The following INTS4 variants were observed in gnomAD, a reference collection of about 807,000 sequenced individuals.
The protein encoded by INTS4 is MSTP093.
Under a neutral mutation model 119.5 loss-of-function variants are expected in INTS4, and 70 were observed. That is an observed-to-expected ratio of 0.59 (90% CI 0.48 to 0.71). The LOEUF is 0.71. INTS4 is among the 30% of genes least tolerant of loss of function. INTS4 has a pLI of 0.00. For missense variants in INTS4, 867 were observed against 1,173.2 expected (o/e 0.74, Z 3.81); for synonymous variants, 316 against 419.6 (o/e 0.75, Z 3.02).
At chr11:77,921,632 C>T (rs1284502021) in intron 13 of INTS4, among the ~76,000 whole-genome samples, 159 bp from the exon 14 acceptor site, 3 of 152,156 alleles carry the variant, frequency 2.0e-5, no homozygotes, top group Admixed American at 6.5e-5. Flanking sequence ...CCCTACTCCA[C>T]CCACACCCCC....
At chr11:77,893,396 A>G (rs938703801) in intron 19 of INTS4, among the ~76,000 whole-genome samples, 5 of 152,166 alleles carry the variant, frequency 3.3e-5, no homozygotes, top group African/African-American at 1.2e-4. Context: ...TCTTGAAGCC[A>G]GAAGTTTGAG....
At chr11:77,982,098 C>A (rs1375936004) in intron 2 of INTS4, among the ~76,000 whole-genome samples, 2 of 151,684 alleles carry the variant, frequency 1.3e-5, no homozygotes, top group Admixed American at 6.6e-5. Flanking sequence ...TTGCAGCTAC[C>A]ACTGCTATCA....
chr11:77,970,684 C>A (rs992693539), intron 4 of INTS4, among the ~76,000 whole-genome samples: 11 of 151,812 alleles, frequency 7.2e-5, no homozygotes, highest in African/African-American at 2.4e-4. Flanking sequence ...CAAAAGTTAG[C>A]CAGGCATGGT....
chr11:77,916,932 T>C (rs1483568676), intron 15 of INTS4, among the ~76,000 whole-genome samples: 2 of 152,240 alleles, frequency 1.3e-5, no homozygotes, highest in Non-Finnish European at 2.9e-5. Flanking sequence ...AACTGGCTTA[T>C]TAGAATAAAC....
At chr11:77,992,290 C>A (rs373301977) in intron 1 of INTS4, among the ~76,000 whole-genome samples, 1 of 151,716 alleles carries the variant, frequency 6.6e-6, no homozygotes, top group South Asian at 2.1e-4. Context: ...CCCAGCTATG[C>A]AGGAGGCTGA....
At chr11:77,879,206 T>C in intron 22 of INTS4, 79 bp from the exon 23 acceptor site, 1 of 1,502,560 alleles carries the variant, frequency 6.7e-7, no homozygotes, top group Non-Finnish European at 9.1e-7. Context: ...TAAAGAAATA[T>C]CAAAATGGAA....
chr11:77,898,339 T>G (rs1952620704), intron 18 of INTS4, among the ~76,000 whole-genome samples: 1 of 152,122 alleles, frequency 6.6e-6, no homozygotes, highest in Non-Finnish European at 1.5e-5. Context: ...ATTTTTTGTA[T>G]TTTTAGTAGA....
intron 16 of INTS4, among the ~76,000 whole-genome samples, chr11:77,905,450 C>T (rs562533114): frequency 7.3e-5 from 11 of 150,846 alleles, no homozygotes; most frequent in Admixed American, 3.3e-4. Flanking sequence ...TAAGCTGAGA[C>T]TCTGTCTCAA....
Position 77,982,131 on chromosome 11 carries a change from CCTGT to C in INTS4, c.247-559_247-556del, listed in dbSNP as rs886788531. ...TCACCAGAAAGAATCTTTCATTCTA[CCTGT>C]CTTTTTTTTTTTTTTTTTTTGAAAC... On this transcript the variant is annotated intron_variant, in intron 2 of 22. Transcript: ENST00000534064. Among the ~76,000 whole-genome samples, 25 of 150,862 alleles carry C rather than the reference CCTGT, an allele frequency of 1.7e-4. No individual in the cohort carries two copies. The East Asian group carries it at 3.7e-3, about 22-fold the overall frequency.
chr11:77,988,704 T>C (rs1210682617), intron 2 of INTS4, among the ~76,000 whole-genome samples: 1 of 152,146 alleles, frequency 6.6e-6, no homozygotes, highest in Non-Finnish European at 1.5e-5. Flanking sequence ...AGTCTTAAAA[T>C]TGTCAAAAAT....
chr11:77,896,876 T>C (rs1177580860), intron 18 of INTS4, among the ~76,000 whole-genome samples: 4 of 149,014 alleles, frequency 2.7e-5, no homozygotes, highest in Non-Finnish European at 4.5e-5. Flanking sequence ...AGCAAGAATA[T>C]TGAAAGAAAA....
At chr11:77,923,303 G>A (rs1355035819) in intron 12 of INTS4, among the ~76,000 whole-genome samples, 1 of 110,258 alleles carries the variant, frequency 9.1e-6, no homozygotes, top group Admixed American at 1.2e-4. Flanking sequence ...GCGATAAAGA[G>A]AGACTCTGTC....
At chr11:77,959,474 C>T (rs1954411401) in intron 6 of INTS4, among the ~76,000 whole-genome samples, 1 of 152,072 alleles carries the variant, frequency 6.6e-6, no homozygotes, top group African/African-American at 2.4e-5. Flanking sequence ...TCCCTTGATG[C>T]TGTCATTACT....
chr11:77,924,960 C>G, intron 11 of INTS4, 68 bp from the exon 12 acceptor site: 1 of 1,248,996 alleles, frequency 8.0e-7, no homozygotes, highest in East Asian at 2.5e-5. Context: ...TATCTACCAT[C>G]CCCTTCTACC....
intron 18 of INTS4, 78 bp downstream of exon 18, chr11:77,901,343 T>G: frequency 6.3e-6 from 9 of 1,428,044 alleles, no homozygotes; most frequent in Non-Finnish European, 6.9e-6. Context: ...TATCATTAAC[T>G]TTCGTGTGAT....
At chr11:77,934,488 A>C (rs1382039608) in intron 10 of INTS4, among the ~76,000 whole-genome samples, 1 of 152,164 alleles carries the variant, frequency 6.6e-6, no homozygotes, top group Non-Finnish European at 1.5e-5. Context: ...GGAAGAGACA[A>C]ACATGAGAAT....
chr11:77,963,789 T>C (rs968454184), intron 4 of INTS4, among the ~76,000 whole-genome samples: 3 of 152,074 alleles, frequency 2.0e-5, no homozygotes, highest in Non-Finnish European at 4.4e-5. Context: ...GCTCAAGAGA[T>C]ACTCCCACCT....
chr11:77,992,831 C>G lies in INTS4; in HGVS notation c.55-1532G>C, dbSNP rs7946022. Among the ~76,000 whole-genome samples the G allele has an allele frequency of 4.3e-3, 655 of 152,242 alleles. 3 individuals carry two copies. The highest frequency in any genetic ancestry group is 0.015 in the African/African-American group (616 of 41,532). ...TGTTATTAAACATAACTTTATTATA[C>G]GTATATGTAAGTGCTAGGCACATAT... On this transcript the variant is annotated intron_variant, in intron 1 of 22. Coordinates refer to ENST00000534064, the MANE Select transcript of INTS4 (RefSeq NM_033547.4).
chr11:77,895,908 A>G (rs544906759), intron 18 of INTS4, among the ~76,000 whole-genome samples: 2 of 152,340 alleles, frequency 1.3e-5, no homozygotes, highest in East Asian at 3.9e-4. Context: ...GAAAGCTATG[A>G]AAGTGAGGCT....
Sources: allele counts gnomAD v4.1 joint callset (sites outside exome capture counted in the v4.1 genomes callset), GRCh38; gene constraint gnomAD v4.1.1; transcripts MANE v1.5; gene names NCBI Gene and HGNC (gene_info 2026-07-23, HGNC 2026-07-21).